BCL7A: variants seen among roughly 807,000 people sequenced by gnomAD.
The protein encoded by BCL7A is BAF chromatin remodeling complex subunit BCL7A.
A neutral mutation model predicts 28.4 loss-of-function variants in BCL7A; 11 were observed. That is an observed-to-expected ratio of 0.39 (90% CI 0.24 to 0.64). The LOEUF is 0.64. Among genes scored for constraint, BCL7A ranks in the 30% least tolerant of loss-of-function variants. BCL7A has a pLI of 0.50. For missense variants in BCL7A, 222 were observed against 274.8 expected, an observed-to-expected ratio of 0.81 and a Z score of 1.36; for synonymous variants, 123 against 103.3, an observed-to-expected ratio of 1.19 and a Z score of -1.15.
chr12:122,027,442 A>G (rs1261953798), intron 1 of BCL7A, among the ~76,000 whole-genome samples: 1 of 152,230 alleles, frequency 6.6e-6, no homozygotes, highest in Non-Finnish European at 1.5e-5. Context: ...TGGGAGGCCA[A>G]GGCAGGAAGA....
chr12:122,054,051 T>C (rs1205051963), intron 4 of BCL7A, among the ~76,000 whole-genome samples: 1 of 152,138 alleles, frequency 6.6e-6, no homozygotes, highest in African/African-American at 2.4e-5. Context: ...CCTGCAATGG[T>C]CAGTCATTGC....
intron 2 of BCL7A, among the ~76,000 whole-genome samples, chr12:122,031,953 C>G (rs538508962): frequency 2.2e-4 from 33 of 152,342 alleles, no homozygotes; most frequent in Admixed American, 5.9e-4. Context: ...GCCATTCCCC[C>G]CTGCCTGGAC....
intron 1 of BCL7A, among the ~76,000 whole-genome samples, chr12:122,025,896 G>A (rs1243325205): frequency 1.4e-5 from 2 of 138,270 alleles, no homozygotes; most frequent in Non-Finnish European, 3.0e-5. Context: ...GCAGTAAGCC[G>A]AGATCGCGCC....
chr12:122,043,104 T>C (rs1406756353), intron 3 of BCL7A, among the ~76,000 whole-genome samples: 2 of 151,934 alleles, frequency 1.3e-5, no homozygotes, highest in Non-Finnish European at 2.9e-5. Flanking sequence ...TCCCTTTTAT[T>C]TCCTATCAAG....
intron 4 of BCL7A, among the ~76,000 whole-genome samples, chr12:122,049,221 G>A (rs1329859717): frequency 1.9e-5 from 2 of 103,532 alleles, no homozygotes; most frequent in African/African-American, 7.7e-5. Context: ...GCATGACCCT[G>A]TCTTAAAAAA....
chr12:122,024,681 T>TA (rs1395625397), intron 1 of BCL7A, among the ~76,000 whole-genome samples: 1 of 152,138 alleles, frequency 6.6e-6, no homozygotes, highest in Non-Finnish European at 1.5e-5. Flanking sequence ...CAGATAAAAA[T>TA]ACAGCACACC....
chr12:122,038,300 C>T (rs1385241164), intron 3 of BCL7A, among the ~76,000 whole-genome samples: 1 of 151,180 alleles, frequency 6.6e-6, no homozygotes, highest in Non-Finnish European at 1.5e-5. Flanking sequence ...GGCATGATGG[C>T]GTGTGCCTGT....
chr12:122,024,308 GT>G, intron 1 of BCL7A, among the ~76,000 whole-genome samples: 1 of 152,322 alleles, frequency 6.6e-6, no homozygotes, highest in Non-Finnish European at 1.5e-5. Context: ...GTGACCCGGG[GT>G]TTTGTGCTTG....
Position 122,022,196 on chromosome 12 carries a change from G to T in BCL7A, c.92+13G>T. ...AAGTGCGCAAATGGTAAGCGGAGGC[G>T]CCCGCCGCCAGCCGCCTCCCCGGCC... On this transcript the variant is annotated intron_variant, in intron 1 of 5. Transcript: ENST00000261822. 6.9e-7 allele frequency: 1 copy of T among 1,447,692 alleles called. No homozygotes were observed. The highest frequency in any genetic ancestry group is 9.2e-7 in the Non-Finnish European group (1 of 1,089,984). The allele number at this position is 1,447,692 out of a possible 1,614,324, so 89.7% of individuals were successfully genotyped here. A position where few individuals can be genotyped will look rare whatever the true frequency, so the allele number is the denominator to read the frequency against.
chr12:122,026,032 G>A (rs1475026779), intron 1 of BCL7A, among the ~76,000 whole-genome samples: 1 of 151,614 alleles, frequency 6.6e-6, no homozygotes, highest in East Asian at 1.9e-4. Context: ...CACTTTAGGA[G>A]GCCGAGGAGG....
intron 1 of BCL7A, among the ~76,000 whole-genome samples, chr12:122,024,162 T>C (rs2135835736): frequency 6.6e-6 from 1 of 152,344 alleles, no homozygotes; most frequent in Admixed American, 6.5e-5. Context: ...GGGCTGTACC[T>C]CTGCGCCTCC....
rs995988969 is a variant in BCL7A at position 122,059,058 on chromosome 12, T to G, written c.562-34T>G. 2.6e-6 allele frequency: 4 copies of G among 1,562,060 alleles called. No homozygotes were observed. Among genetic ancestry groups the G allele is most frequent in the South Asian group, 1.1e-5 (1 of 89,924 alleles). On this transcript the variant is annotated intron_variant, in intron 5 of 5. Coordinates refer to ENST00000261822, the MANE Select transcript of BCL7A (RefSeq NM_001024808.3). The surrounding 1 kb of genome is among the most constrained non-coding windows in gnomAD (Gnocchi z 4.0). ...TGGCCTAACTTGCTCTCCTGGCCCA[T>G]TAACCTGTGTTCCCCTTTTCTCCTC...
rs539671285 is a variant in BCL7A at position 122,039,263 on chromosome 12, C to T, written c.271+3836C>T. 2.0e-5 allele frequency among the ~76,000 whole-genome samples: 3 copies of T among 150,112 alleles called. No homozygotes were observed. The South Asian group carries it at 6.3e-4, about 32-fold the overall frequency. Reference sequence around the variant, plus strand: ...AGTGAGCCAAGATCACGCCACTGCACTACAGCCTGGGCGACAGAGCAAGAC... The same window carrying T: ...AGTGAGCCAAGATCACGCCACTGCATTACAGCCTGGGCGACAGAGCAAGAC... On this transcript the variant is annotated intron_variant, in intron 3 of 5. Coordinates refer to ENST00000261822, the MANE Select transcript of BCL7A (RefSeq NM_001024808.3).
intron 1 of BCL7A, among the ~76,000 whole-genome samples, chr12:122,023,143 G>A (rs1036392809): frequency 6.6e-6 from 1 of 152,218 alleles, no homozygotes. Context: ...CCTCGTCGGG[G>A]TCTGCTCGGA....
chr12:122,049,031 A>T (rs375789642), intron 4 of BCL7A, among the ~76,000 whole-genome samples: 1,872 of 69,484 alleles, frequency 0.027, 27 homozygotes, highest in African/African-American at 0.077. Context: ...AAAAAAAAAA[A>T]AAAAATATAT....
chr12:122,029,883 T>C lies in BCL7A; in HGVS notation c.93-817T>C, dbSNP rs1883704651. ...AAAATGACAGTGGCTCGGAGCAGAG[T>C]GGTGGTGGTGGAGGAGAGGGTGGGC... On this transcript the variant is annotated intron_variant, in intron 1 of 5. Transcript: ENST00000261822. This position sits in a 1 kb window ranked among gnomAD's most constrained non-coding sequence, Gnocchi z 4.3. 6.6e-6 allele frequency among the ~76,000 whole-genome samples: 1 copy of C among 150,722 alleles called. No individual in the cohort carries two copies. Among genetic ancestry groups the C allele is most frequent in the Admixed American group, 6.6e-5 (1 of 15,060 alleles).
chr12:122,025,098 A>G (rs1883587411), intron 1 of BCL7A, among the ~76,000 whole-genome samples: 3 of 152,186 alleles, frequency 2.0e-5, no homozygotes, highest in East Asian at 1.9e-4. Context: ...GGAAAACAAA[A>G]TGGTGGGCCT....
intron 4 of BCL7A, among the ~76,000 whole-genome samples, chr12:122,044,570 C>T (rs1372834720): frequency 1.3e-5 from 2 of 151,918 alleles, no homozygotes; most frequent in East Asian, 3.9e-4. Context: ...CACCTATAAT[C>T]CTAATGCTTT....
intron 4 of BCL7A, 82 bp from the exon 5 acceptor site, chr12:122,054,723 A>AAG: frequency 7.1e-7 from 1 of 1,398,646 alleles, no homozygotes; most frequent in Non-Finnish European, 9.8e-7. Flanking sequence ...TACCCGATTC[A>AAG]AGGTATTTTC....
Sources: gnomAD v4.1 joint callset for allele counts (sites outside exome capture counted in the v4.1 genomes callset) on GRCh38, gnomAD v4.1.1 for gene constraint, Gnocchi (gnomAD v3.1) non-coding constraint, MANE v1.5 for transcripts, NCBI Gene and HGNC (gene_info 2026-07-23, HGNC 2026-07-21) for gene names.